APOO: variants seen among roughly 807,000 people sequenced by gnomAD.
APOO encodes the protein apolipoprotein O, also known as MICOS complex subunit MIC26.
In APOO, 11 loss-of-function variants were observed where a neutral mutation model predicts 23.1. The ratio of observed to expected loss-of-function variants is 0.48; its 90% CI spans 0.30 to 0.79. APOO has a LOEUF of 0.79. Among genes scored for constraint, APOO ranks in the 30% least tolerant of loss-of-function variants. The pLI is 0.07. For missense variants in APOO, 160 were observed against 142.7 expected (o/e 1.12, Z -0.62); for synonymous variants, 59 against 54.8 (o/e 1.08, Z -0.34).
At chrX:23,907,602 C>T (rs986699054) in intron 1 of APOO, 92 bp downstream of exon 1, 68 of 976,146 alleles carry the variant, frequency 7.0e-5, no homozygotes, top group African/African-American at 3.9e-5. Flanking sequence ...GTGAGCCAGG[C>T]CTGGCTGCAG....
chrX:23,866,943 T>C (rs1422832189), intron 5 of APOO, among the ~76,000 whole-genome samples: 2 of 109,144 alleles, frequency 1.8e-5, no homozygotes, highest in South Asian at 8.1e-4. Context: ...CTACTAAAAA[T>C]ACAAAAATTA....
chrX:23,870,597 G>T (rs1925564146), intron 4 of APOO, among the ~76,000 whole-genome samples: 1 of 105,159 alleles, frequency 9.5e-6, no homozygotes, highest in Admixed American at 1.0e-4. Context: ...AACAGCCTGG[G>T]CAACATGGCG....
intron 1 of APOO, among the ~76,000 whole-genome samples, chrX:23,898,719 G>A (rs753120290): frequency 8.9e-6 from 1 of 111,915 alleles, no homozygotes; most frequent in African/African-American, 3.2e-5. Flanking sequence ...TATCTGCCAA[G>A]TGAGGTAAAC....
chrX:23,838,192 T>C (rs1364239260), intron 8 of APOO, among the ~76,000 whole-genome samples: 1 of 99,473 alleles, frequency 1.0e-5, no homozygotes, highest in East Asian at 3.5e-4. Flanking sequence ...CTGTCTCTAC[T>C]AAAAAATACA....
At chrX:23,907,628 G>C in intron 1 of APOO, 66 bp downstream of exon 1, 2 of 1,112,236 alleles carry the variant, frequency 1.8e-6, no homozygotes, top group Non-Finnish European at 2.4e-6. Flanking sequence ...CCCCAAGAGA[G>C]CGCGGGGAGG....
At chrX:23,902,190 C>G (rs1230455853) in intron 1 of APOO, among the ~76,000 whole-genome samples, 3 of 111,728 alleles carry the variant, frequency 2.7e-5, no homozygotes, top group Non-Finnish European at 5.6e-5. Flanking sequence ...CTCTAACATG[C>G]AGTCAAGGTT....
chrX:23,887,051 TA>T (rs962177375), intron 1 of APOO, among the ~76,000 whole-genome samples: 1 of 108,284 alleles, frequency 9.2e-6, no homozygotes. Flanking sequence ...TGGGACATAA[TA>T]AAAAAAAATC....
intron 1 of APOO, among the ~76,000 whole-genome samples, chrX:23,893,983 A>C (rs1261553219): frequency 9.0e-6 from 1 of 110,941 alleles, no homozygotes; most frequent in Non-Finnish European, 1.9e-5. Context: ...TACTATTTTG[A>C]CTTTTTACAA....
At chrX:23,878,422 T>C (rs5925952) in intron 3 of APOO, among the ~76,000 whole-genome samples, 53,767 of 110,489 alleles carry the variant, frequency 0.49, 11,566 homozygotes, top group African/African-American at 0.84. Flanking sequence ...CCTCCTCAGA[T>C]GGCACTGAAG....
At chrX:23,855,413 T>C (rs909934124) in intron 7 of APOO, among the ~76,000 whole-genome samples, 11 of 111,664 alleles carry the variant, frequency 9.9e-5, no homozygotes, top group African/African-American at 3.6e-4. Flanking sequence ...CAGTTCAAAA[T>C]TCTGGATTTT....
chrX:23,847,621 A>G (rs1924306863), intron 7 of APOO, among the ~76,000 whole-genome samples: 1 of 108,461 alleles, frequency 9.2e-6, no homozygotes, highest in Non-Finnish European at 1.9e-5. Context: ...GCGAGACTCC[A>G]TCTCAAAAAA....
rs1232404554 is a variant in APOO at position 23,879,012 on chromosome X, T to C, written c.140A>G (p.Glu47Gly). 1 of 1,209,704 alleles carries C rather than the reference T, an allele frequency of 8.3e-7. No homozygotes were observed. The highest frequency in any genetic ancestry group is 1.7e-5 in the African/African-American group (1 of 57,288). The change falls in exon 3 of 9, where the codon GAG (glutamate) becomes GGG (glycine). Residue 47 changes from glutamate to glycine, a missense_variant. By Grantham distance (98) the Glu-to-Gly change is moderately conservative (BLOSUM62 -2). Transcript: ENST00000379226. The part of the protein sequence containing the change: ...VDELSLYSVP[E>G]GQSKYVEEAR... ...CTCCTCCACATACTTCGATTGACCC[T>C]CAGGAACTGAGTAGAGTGAAAGCTG...
intron 5 of APOO, among the ~76,000 whole-genome samples, chrX:23,863,287 G>C (rs905600026): frequency 8.0e-5 from 9 of 112,156 alleles, no homozygotes; most frequent in African/African-American, 2.6e-4. Context: ...AGTGAGCGGA[G>C]ATTGTGACAC....
chrX:23,895,122 G>A (rs1454642853), intron 1 of APOO, among the ~76,000 whole-genome samples: 4 of 108,568 alleles, frequency 3.7e-5, no homozygotes, highest in African/African-American at 1.3e-4. Flanking sequence ...CTGGGTGACA[G>A]AGTGAGACTC....
At chrX:23,905,193 C>G (rs903467419) in intron 1 of APOO, among the ~76,000 whole-genome samples, 1 of 109,261 alleles carries the variant, frequency 9.2e-6, no homozygotes, top group African/African-American at 3.3e-5. Context: ...TCGAGACCAG[C>G]CTGGCCAACA....
chrX:23,841,978 C>T (rs750532067), intron 7 of APOO, among the ~76,000 whole-genome samples: 1 of 111,605 alleles, frequency 9.0e-6, no homozygotes, highest in Non-Finnish European at 1.9e-5. Flanking sequence ...CACTCATGTA[C>T]TTCCTGATTG....
chrX:23,879,272 C>T (rs1021834117), intron 2 of APOO, among the ~76,000 whole-genome samples: 2 of 111,164 alleles, frequency 1.8e-5, no homozygotes, highest in South Asian at 3.9e-4. Flanking sequence ...CCAGTCTCTA[C>T]TAAAAATACA....
At chrX:23,861,619 C>A (rs1268577497) in intron 5 of APOO, among the ~76,000 whole-genome samples, 2 of 91,773 alleles carry the variant, frequency 2.2e-5, no homozygotes, top group Non-Finnish European at 4.3e-5. Flanking sequence ...ACTAAAGAAA[C>A]ACCATGGATT....
intron 1 of APOO, among the ~76,000 whole-genome samples, chrX:23,907,304 C>T (rs775254550): frequency 3.3e-4 from 36 of 109,844 alleles, no homozygotes; most frequent in Non-Finnish European, 5.9e-4. Flanking sequence ...ACATCAGGTT[C>T]TGAAACCTGA....
Sources: gnomAD v4.1 joint callset for allele counts (sites outside exome capture counted in the v4.1 genomes callset) on GRCh38, gnomAD v4.1.1 for gene constraint, MANE v1.5 for transcripts, NCBI Gene and HGNC (gene_info 2026-07-23, HGNC 2026-07-21) for gene names.